COL20A1: variants seen among roughly 807,000 people sequenced by gnomAD.
COL20A1 encodes the protein collagen type XX alpha 1 chain.
In COL20A1, 164 loss-of-function variants were observed where a neutral mutation model predicts 152.9. That is an observed-to-expected ratio of 1.07 (90% CI 0.94 to 1.22). The LOEUF is 1.22. COL20A1 is among the 50% of genes most tolerant of loss of function. The pLI is 0.00. For missense variants in COL20A1, 1,873 were observed against 1,744.8 expected, an observed-to-expected ratio of 1.07 and a Z score of -1.31; for synonymous variants, 864 against 756.0, an observed-to-expected ratio of 1.14 and a Z score of -2.34.
chr20:63,308,277 C>T lies in COL20A1; in HGVS notation c.775+187C>T, dbSNP rs2042466938. Among the ~76,000 whole-genome samples the T allele has an allele frequency of 1.3e-5, 2 of 152,224 alleles. 1 individual carries two copies. Among genetic ancestry groups the T allele is most frequent in the Admixed American group, 1.3e-4 (2 of 15,286 alleles). On this transcript the variant is annotated intron_variant, in intron 7 of 35. Coordinates refer to ENST00000358894, the MANE Select transcript of COL20A1 (RefSeq NM_020882.4). ...GATGAAAACGAGGGCCTGTGTCCAG[C>T]GCGTGGCTCCTCTGTTCCACATTAG... is the stretch of plus-strand genomic sequence containing the variant.
In COL20A1 at chr20:63,326,752, G is replaced by T. The variant is rs756067219; in HGVS notation, c.3457G>T (p.Gly1153Trp). 9 of 1,462,120 alleles carry T rather than the reference G, an allele frequency of 6.2e-6. No individual in the cohort carries two copies. Among genetic ancestry groups the T allele is most frequent in the South Asian group, 4.4e-5 (3 of 67,856 alleles). 90.6% of individuals were successfully genotyped at this position (1,462,120 alleles called of 1,614,324 possible). A position where few individuals can be genotyped will look rare whatever the true frequency, so the allele number is the denominator to read the frequency against. The change falls in exon 31 of 36, where the codon GGG becomes TGG. Residue 1153 changes from glycine (G) to tryptophan (W), a missense_variant and splice_region_variant. Gly to Trp is a radical substitution (Grantham distance 184). Transcript: ENST00000358894. ...AGLPGPPGPR[G>W]FQGMAGARGT... ...AACCCTGACTTCTGTGTCTATGCAGGGGTTCCAGGGCATGGCAGGGGCCAG... is the reference window on the plus strand; with the variant it reads ...AACCCTGACTTCTGTGTCTATGCAGTGGTTCCAGGGCATGGCAGGGGCCAG...
rs758261386 is a variant in COL20A1, at chr20:63,314,075, T to C, written c.2362T>C (p.Ser788Pro). 3.7e-6 allele frequency: 6 copies of C among 1,612,638 alleles called. No homozygotes were observed. Among genetic ancestry groups the C allele is most frequent in the Non-Finnish European group, 5.1e-6 (6 of 1,179,812 alleles). The change falls in exon 19 of 36, where the codon TCT (serine) becomes CCT (proline). Residue 788 changes from serine to proline, a missense_variant. Transcript: ENST00000358894. ...ASGLGPEKSV[S>P]VPGARSHVTL... The stretch of plus-strand genomic sequence containing the variant: ...CAGGCACCCTCCCTTCTCCTAGGTC[T>C]CTGTGCCAGGAGCCAGGAGCCACGT...
chr20:63,324,845 C>T (rs2068219867), intron 27 of COL20A1: 2 of 168,252 alleles, frequency 1.2e-5, no homozygotes, highest in African/African-American at 2.4e-5. Context: ...GTTGGATTTC[C>T]CATAAAACCT....
rs1201587435 is a variant in COL20A1, at chr20:63,312,869, G to C, written c.2011G>C (p.Ala671Pro). 1 of 1,556,748 alleles carries C rather than the reference G, an allele frequency of 6.4e-7. No individual in the cohort carries two copies. Among genetic ancestry groups the C allele is most frequent in the East Asian group, 2.4e-5 (1 of 41,440 alleles). The change falls in exon 16 of 36, where the codon GCC becomes CCC. Residue 671 changes from alanine (A) to proline (P), a missense_variant. Coordinates refer to ENST00000358894, the MANE Select transcript of COL20A1 (RefSeq NM_020882.4). The stretch of plus-strand genomic sequence containing the variant: ...AGTCCAGCTGGCGTGGGTGGCCGCA[G>C]CCCCGTCTGGCGTGCTTGTCTACCA... ...DAVQLAWVAAAPSGVLVYQIT... is the reference protein window; with the variant it reads ...DAVQLAWVAAPPSGVLVYQIT...
At chr20:63,329,737 G>A (rs902966267) in intron 35 of COL20A1, 76 bp downstream of exon 35, 2 of 1,053,976 alleles carry the variant, frequency 1.9e-6, no homozygotes, top group African/African-American at 1.6e-5. Flanking sequence ...GGGGCCAACG[G>A]GTGGGGCCTC....
At chr20:63,314,819 G>A (rs929820302) in intron 19 of COL20A1, among the ~76,000 whole-genome samples, 4 of 141,082 alleles carry the variant, frequency 2.8e-5, no homozygotes, top group Non-Finnish European at 4.7e-5. Context: ...CAGGACACGC[G>A]TGCCCCCAGC....
Position 63,332,756 on chromosome 20 carries a change from T to C in COL20A1, c.*2040T>C, listed in dbSNP as rs1227151073. 6.6e-6 allele frequency: 1 copy of C among 152,296 alleles called. No individual in the cohort carries two copies. The highest frequency in any genetic ancestry group is 2.4e-5 in the African/African-American group (1 of 41,460). The allele number at this position is 152,296 out of a possible 1,614,324, so 9.4% of individuals were successfully genotyped here. A position where few individuals can be genotyped will look rare whatever the true frequency, so the allele number is the denominator to read the frequency against. On this transcript the variant is annotated 3_prime_UTR_variant, in exon 36 of 36. Coordinates refer to ENST00000358894, the MANE Select transcript of COL20A1 (RefSeq NM_020882.4). ...GGCTGTCTTCGGGAAACTGACTTTA[T>C]GCTGGAGGCCAATTAAAATGGCACA...
Position 63,305,654 on chromosome 20 carries a change from C to T in COL20A1, c.337+94C>T. The T allele has an allele frequency of 2.2e-6, 3 of 1,390,730 alleles. No homozygotes were observed. The highest frequency in any genetic ancestry group is 2.9e-5 in the South Asian group (2 of 70,064). The allele number at this position is 1,390,730 out of a possible 1,614,324, so 86.1% of individuals were successfully genotyped here. A position where few individuals can be genotyped will look rare whatever the true frequency, so the allele number is the denominator to read the frequency against. On this transcript the variant is annotated intron_variant, in intron 4 of 35. Transcript: ENST00000358894. The surrounding 1 kb of genome is among the most constrained non-coding windows in gnomAD (Gnocchi z 4.9). ...GTCCCACCCTCCTCCAGGCTGCGTTCCAGCCCCAGGGGTGGGTATGTGTGA... is the reference window on the plus strand; with the variant it reads ...GTCCCACCCTCCTCCAGGCTGCGTTTCAGCCCCAGGGGTGGGTATGTGTGA...
chr20:63,294,908 T>A (rs992365982), intron 1 of COL20A1, 190 bp from the exon 2 acceptor site: 5 of 543,880 alleles, frequency 9.2e-6, no homozygotes, highest in Non-Finnish European at 1.6e-5. Context: ...GGTCCTTGAG[T>A]TTTAGGCAGC....
intron 21 of COL20A1, among the ~76,000 whole-genome samples, chr20:63,317,704 C>T (rs1330829331): frequency 6.6e-6 from 1 of 152,066 alleles, no homozygotes; most frequent in African/African-American, 2.4e-5. Flanking sequence ...CCCGGCTTCC[C>T]TCACCATCCT....
Position 63,319,116 on chromosome 20 carries a change from C to T in COL20A1, c.2722C>T (p.Leu908Phe), listed in dbSNP as rs1011114612. 1.2e-6 allele frequency: 2 copies of T among 1,613,102 alleles called. No individual in the cohort carries two copies. Among genetic ancestry groups the T allele is most frequent in the African/African-American group, 2.7e-5 (2 of 74,858 alleles). ...EHTIVFLVRL[L>F]PETPREAFAL... is the part of the protein sequence containing the mutation. Reference sequence around the variant, plus strand: ...CACCATCGTCTTCCTTGTGCGCCTACTTCCCGAGACACCCCGTGAGGCCTT... The same window carrying T: ...CACCATCGTCTTCCTTGTGCGCCTATTTCCCGAGACACCCCGTGAGGCCTT... Residue 908 changes from leucine (L) to phenylalanine (F), a missense_variant, in exon 22 of 36, where the codon CTT becomes TTT. Coordinates refer to ENST00000358894, the MANE Select transcript of COL20A1 (RefSeq NM_020882.4). This position sits in a 1 kb window ranked among gnomAD's most constrained non-coding sequence, Gnocchi z 4.4.
intron 3 of COL20A1, among the ~76,000 whole-genome samples, chr20:63,300,133 T>C (rs1170968127): frequency 1.3e-5 from 2 of 152,184 alleles, no homozygotes; most frequent in Non-Finnish European, 2.9e-5. Flanking sequence ...ATTTAAGATT[T>C]TTATACTTAT....
At chr20:63,315,651 A>T (rs2068074885) in intron 20 of COL20A1, among the ~76,000 whole-genome samples, 1 of 152,228 alleles carries the variant, frequency 6.6e-6, no homozygotes, top group Non-Finnish European at 1.5e-5. Flanking sequence ...ATGTAAGGTC[A>T]GGGCCAGGAA....
intron 2 of COL20A1, among the ~76,000 whole-genome samples, chr20:63,295,733 G>T (rs1029242767): frequency 2.0e-5 from 3 of 152,256 alleles, no homozygotes; most frequent in Admixed American, 2.0e-4. Context: ...AAGGGAAATG[G>T]CAGAGGATGC....
chr20:63,322,542 T>G (rs1427356710), intron 27 of COL20A1, among the ~76,000 whole-genome samples: 2 of 152,082 alleles, frequency 1.3e-5, no homozygotes, highest in Non-Finnish European at 2.9e-5. Context: ...TTTTCAGATG[T>G]CTCTAGGCTC....
Position 63,313,971 on chromosome 20 carries a change from T to C in COL20A1, c.2358+80T>C, listed in dbSNP as rs1429384806. ...GTATGGCCACACTGTCTGCGAAGGG[T>C]GGCAGCTCTGCCATGGCGGGACGCA... On this transcript the variant is annotated intron_variant, in intron 18 of 35. Transcript: ENST00000358894. This position sits in a 1 kb window ranked among gnomAD's most constrained non-coding sequence, Gnocchi z 5.9. 3.1e-6 allele frequency: 5 copies of C among 1,593,946 alleles called. No individual in the cohort carries two copies. In the South Asian group the frequency reaches 3.4e-5, roughly 11 times the overall value.
chr20:63,310,058 G>T (rs1304708292), intron 10 of COL20A1, 143 bp downstream of exon 10: 6 of 830,328 alleles, frequency 7.2e-6, no homozygotes, highest in Admixed American at 3.0e-5. Flanking sequence ...GACAGCCCAG[G>T]GACTCACTGG....
intron 27 of COL20A1, among the ~76,000 whole-genome samples, chr20:63,322,833 G>T (rs1213228295): frequency 6.6e-6 from 1 of 152,228 alleles, no homozygotes; most frequent in African/African-American, 2.4e-5. Context: ...CCACATCCCC[G>T]TGAGCAAAGA....
At chr20:63,298,550 AGTGCT>A (rs2067828052) in intron 3 of COL20A1, among the ~76,000 whole-genome samples, 1 of 147,148 alleles carries the variant, frequency 6.8e-6, no homozygotes, top group Non-Finnish European at 1.5e-5. Context: ...AGCCTCTCAC[AGTGCT>A]GGGATTACAG....
Sources: gnomAD v4.1 joint callset for allele counts (sites outside exome capture counted in the v4.1 genomes callset) on GRCh38, gnomAD v4.1.1 for gene constraint, Gnocchi (gnomAD v3.1) non-coding constraint, MANE v1.5 for transcripts, NCBI Gene and HGNC (gene_info 2026-07-23, HGNC 2026-07-21) for gene names.